Variants in CSF1R observed in about 807,000 individuals in gnomAD.
CSF1R encodes the protein colony stimulating factor 1 receptor.
CSF1R carries 40 observed loss-of-function variants against 110.0 expected under a neutral mutation model. The observed-to-expected ratio is 0.36, with a 90% CI of 0.28 to 0.47. The LOEUF (loss-of-function observed/expected upper bound fraction) is 0.47. Among genes scored for constraint, CSF1R ranks in the 20% least tolerant of loss-of-function variants. The pLI is 0.99. For missense variants in CSF1R, 1,052 were observed against 1,253.0 expected (o/e 0.84, Z 2.42); for synonymous variants, 523 against 503.4 (o/e 1.04, Z -0.52).
intron 1 of CSF1R, among the ~76,000 whole-genome samples, chr5:150,104,885 CT>C (rs202086102): frequency 5.4e-4 from 78 of 145,730 alleles, no homozygotes; most frequent in Middle Eastern, 3.5e-3. Context: ...TTCATTTGTT[CT>C]TTTTTTTTTT....
chr5:150,071,396 T>A (rs1758025719), intron 6 of CSF1R, among the ~76,000 whole-genome samples: 1 of 152,168 alleles, frequency 6.6e-6, no homozygotes, highest in Non-Finnish European at 1.5e-5. Flanking sequence ...ATAAATAAAA[T>A]TTTAAAAATT....
chr5:150,081,834 A>T (rs1217649155), intron 1 of CSF1R, among the ~76,000 whole-genome samples: 1 of 152,248 alleles, frequency 6.6e-6, no homozygotes, highest in African/African-American at 2.4e-5. Flanking sequence ...AGGAGAAAAG[A>T]GAACTTGAAA....
chr5:150,089,021 AAAAAC>A (rs561760625), upstream of CSF1R, among the ~76,000 whole-genome samples: 5 of 152,208 alleles, frequency 3.3e-5, no homozygotes, highest in South Asian at 2.1e-4. Context: ...TGCTTTCATT[AAAAAC>A]AAAACAAAAC....
At chr5:150,075,139 G>GGTA (rs1210807195) in intron 5 of CSF1R, among the ~76,000 whole-genome samples, 1 of 152,180 alleles carries the variant, frequency 6.6e-6, no homozygotes. Context: ...TCTCCCTCCA[G>GGTA]GTAGCTTTCT....
At chr5:150,103,903 T>C (rs993529578) in intron 1 of CSF1R, among the ~76,000 whole-genome samples, 10 of 152,148 alleles carry the variant, frequency 6.6e-5, no homozygotes, top group Non-Finnish European at 1.0e-4. Flanking sequence ...GGGTCCTTAA[T>C]GGCCTGGAGG....
chr5:150,057,048 G>T (rs987287304), intron 16 of CSF1R, among the ~76,000 whole-genome samples: 1 of 152,100 alleles, frequency 6.6e-6, no homozygotes, highest in Non-Finnish European at 1.5e-5. Flanking sequence ...AATGAAGAAA[G>T]CCTGGTACCC....
chr5:150,085,553 G>A (rs1758805799), intron 1 of CSF1R, among the ~76,000 whole-genome samples: 1 of 152,110 alleles, frequency 6.6e-6, no homozygotes, highest in South Asian at 2.1e-4. Context: ...CTCCCAGATG[G>A]AAATTCTGCA....
At chr5:150,077,514 T>C in intron 4 of CSF1R, 79 bp from the exon 5 acceptor site, 1 of 1,436,908 alleles carries the variant, frequency 7.0e-7, no homozygotes, top group Non-Finnish European at 9.6e-7. Flanking sequence ...CCTCAGCCTT[T>C]AAGGATTACT....
chr5:150,109,368 T>C (rs1157955848), intron 1 of CSF1R, among the ~76,000 whole-genome samples: 1 of 152,056 alleles, frequency 6.6e-6, no homozygotes, highest in Non-Finnish European at 1.5e-5. Flanking sequence ...AGCAGGGCGG[T>C]GAGGGAAGGC....
At chr5:150,082,736 T>C (rs1758606538) in intron 1 of CSF1R, among the ~76,000 whole-genome samples, 1 of 152,220 alleles carries the variant, frequency 6.6e-6, no homozygotes, top group Non-Finnish European at 1.5e-5. Context: ...CAGGCTATTC[T>C]TCTGTCTGAT....
rs544247753 is a variant in CSF1R, at chr5:150,074,287, C to T, written c.890-794G>A. On this transcript the variant is annotated intron_variant, in intron 5 of 20. Coordinates refer to ENST00000675795, the MANE Select transcript of CSF1R (RefSeq NM_001288705.3). ...TTGAGTTGGTTTCTATTACTTGTAT[C>T]TGAAAGAGTCCTGACTAGTTTTTTT... Among the ~76,000 whole-genome samples the T allele has an allele frequency of 8.8e-4, 130 of 147,364 alleles. 5 individuals are homozygous for T. Among genetic ancestry groups the T allele is most frequent in the South Asian group, 2.6e-3 (12 of 4,644 alleles).
intron 1 of CSF1R, among the ~76,000 whole-genome samples, chr5:150,100,239 G>A (rs1170621909): frequency 6.6e-6 from 1 of 151,600 alleles, no homozygotes; most frequent in African/African-American, 2.4e-5. Context: ...GAACCAGTGG[G>A]GATGGGGGAG....
Position 150,080,940 on chromosome 5 carries a change from T to G in CSF1R, c.134A>C (p.Asn45Thr). The change falls in exon 2 of 21, where the codon AAT becomes ACT. Residue 45 changes from asparagine to threonine, a missense_variant. Physicochemically the swap from Asn to Thr is moderately conservative, Grantham distance 65 (BLOSUM62 0). This residue lies in a region of CSF1R where 693 missense variants were observed against 735.4 expected (regional missense o/e 0.94). Transcript: ENST00000675795. ...GGGGCCATCCCATTCCACGCTGCCA[T>G]TGCCCACACATCGCAAGGTCACCGT... The part of the protein sequence containing the change: ...GATVTLRCVG[N>T]GSVEWDGPPS... 6.2e-7 allele frequency: 1 copy of G among 1,614,158 alleles called. No individual in the cohort carries two copies. Among genetic ancestry groups the G allele is most frequent in the South Asian group, 1.1e-5 (1 of 91,080 alleles).
chr5:150,057,459 C>T (rs1479676190), intron 15 of CSF1R, 45 bp downstream of exon 15: 2 of 1,611,026 alleles, frequency 1.2e-6, no homozygotes, highest in South Asian at 2.2e-5. Flanking sequence ...TTCTCCTTTT[C>T]CCTTGTTATC....
At chr5:150,097,286 A>AAG (rs60888353) in intron 1 of CSF1R, among the ~76,000 whole-genome samples, 2 of 92,818 alleles carry the variant, frequency 2.2e-5, no homozygotes, top group African/African-American at 1.0e-4. Context: ...GGAAGGAAGG[A>AAG]GAAGGAGAAG....
intron 10 of CSF1R, 50 bp from the exon 11 acceptor site, chr5:150,061,899 C>T (rs1561914305): frequency 6.2e-7 from 1 of 1,611,658 alleles, no homozygotes; most frequent in Non-Finnish European, 8.5e-7. Context: ...CAGGCAGTTC[C>T]TGGACCTTGT....
In CSF1R at chr5:150,068,286, C is replaced by A; in HGVS notation, c.1555G>T (p.Val519Leu). The change falls in exon 10 of 21, where the codon GTG (valine) becomes TTG (leucine). Residue 519 changes from valine (V) to leucine (L), a missense_variant. Val to Leu is a conservative substitution (Grantham distance 32). Coordinates refer to ENST00000675795, the MANE Select transcript of CSF1R (RefSeq NM_001288705.3). ...GCCATGATGGACATGCAGGCGACCA[C>A]CACTGGTGTGAAGAGGAACTCATCC... ...PPDEFLFTPV[V>L]VACMSIMALL... The A allele has an allele frequency of 6.2e-6, 10 of 1,613,070 alleles. No homozygotes were observed. Among genetic ancestry groups the A allele is most frequent in the Non-Finnish European group, 8.5e-6 (10 of 1,179,968 alleles).
upstream of CSF1R, among the ~76,000 whole-genome samples, chr5:150,091,463 C>T (rs550903251): frequency 5.3e-5 from 8 of 152,318 alleles, no homozygotes; most frequent in Admixed American, 1.3e-4. Context: ...GTACCTGCTA[C>T]ACTGTGGATG....
At position 150,053,375 on chromosome 5, in the gene CSF1R, T is replaced by C. The variant is rs1757009126; in HGVS notation, c.*694A>G. On this transcript the variant is annotated 3_prime_UTR_variant, in exon 21 of 21. Coordinates refer to ENST00000675795, the MANE Select transcript of CSF1R (RefSeq NM_001288705.3). ...GTTAGGATGAGTCAGCTTGGGGGAG[T>C]TTGTGCTTCCTGCTTGGTGTGGCCA... is the stretch of plus-strand genomic sequence containing the variant. The C allele has an allele frequency of 1.3e-5, 3 of 233,510 alleles. No homozygotes were observed. The highest frequency in any genetic ancestry group is 5.6e-5 in the Admixed American group (1 of 17,762). 14.5% of individuals were successfully genotyped at this position (233,510 alleles called of 1,614,324 possible).
Sources: allele counts gnomAD v4.1 joint callset (sites outside exome capture counted in the v4.1 genomes callset), GRCh38; gene constraint gnomAD v4.1.1; regional missense constraint gnomAD v4.1.1; transcripts MANE v1.5; gene names NCBI Gene and HGNC (gene_info 2026-07-23, HGNC 2026-07-21).